RPTOR: variants seen among roughly 807,000 people sequenced by gnomAD.
The protein encoded by RPTOR is regulatory-associated protein of mTOR.
Under a neutral mutation model 169.9 loss-of-function variants are expected in RPTOR, and 21 were observed. The ratio of observed to expected loss-of-function variants is 0.12; its 90% CI spans 0.09 to 0.18. RPTOR has a LOEUF of 0.18. Among genes scored for constraint, RPTOR ranks in the 10% least tolerant of loss-of-function variants. RPTOR has a pLI of 1.00. For synonymous variants in RPTOR, 732 were observed against 753.2 expected (o/e 0.97, Z 0.46); for missense variants, 1,133 against 1,855.9 (o/e 0.61, Z 7.16).
intron 8 of RPTOR, among the ~76,000 whole-genome samples, chr17:80,822,639 G>A (rs1209328255): frequency 6.6e-6 from 1 of 152,212 alleles, no homozygotes; most frequent in Admixed American, 6.5e-5. Flanking sequence ...TGTAAGACTT[G>A]TTTGTATTTT....
intron 1 of RPTOR, among the ~76,000 whole-genome samples, chr17:80,546,499 G>A (rs536818396): frequency 3.2e-4 from 46 of 141,996 alleles, no homozygotes; most frequent in Middle Eastern, 3.6e-3. Context: ...GAAAACAGCC[G>A]AATTTTGTTG....
intron 1 of RPTOR, among the ~76,000 whole-genome samples, chr17:80,597,590 G>A (rs908960234): frequency 2.6e-5 from 4 of 152,038 alleles, no homozygotes; most frequent in African/African-American, 7.2e-5. Context: ...AGTGCAGTGC[G>A]ATCTCGGCTC....
At chr17:80,771,021 T>A (rs1192717978) in intron 6 of RPTOR, among the ~76,000 whole-genome samples, 1 of 152,182 alleles carries the variant, frequency 6.6e-6, no homozygotes, top group East Asian at 1.9e-4. Flanking sequence ...ACCATCGAGG[T>A]GATCGCTGCC....
At chr17:80,941,106 T>G (rs1044430847) in intron 25 of RPTOR, 3 of 154,786 alleles carry the variant, frequency 1.9e-5, no homozygotes, top group Non-Finnish European at 2.9e-5. Context: ...TCAGCTGGCC[T>G]CCACTTGTCC....
intron 4 of RPTOR, among the ~76,000 whole-genome samples, chr17:80,714,970 A>T (rs6565477): frequency 2.2e-4 from 34 of 152,324 alleles, no homozygotes; most frequent in Admixed American, 2.0e-3. Context: ...TGATCCTCCC[A>T]CCTTGGCCTC....
chr17:80,860,533 C>T lies in RPTOR; in HGVS notation c.1509+2633C>T, dbSNP rs779849744. The stretch of plus-strand genomic sequence containing the variant: ...CAGCCCTGACCATAGCCTCCCCACA[C>T]CCCAAGTCCTCACGTACTACTTTGG... On this transcript the variant is annotated intron_variant, in intron 13 of 33. Coordinates refer to ENST00000306801, the MANE Select transcript of RPTOR (RefSeq NM_020761.3). The surrounding 1 kb of genome is among the most constrained non-coding windows in gnomAD (Gnocchi z 5.8). Among the ~76,000 whole-genome samples the T allele has an allele frequency of 6.6e-5, 10 of 152,142 alleles. No individual in the cohort carries two copies. Among genetic ancestry groups the T allele is most frequent in the Non-Finnish European group, 1.2e-4 (8 of 68,026 alleles).
rs189847662 is a variant in RPTOR, at chr17:80,708,143, C to T, written c.507+144C>T. 484 of 788,956 alleles carry T rather than the reference C, an allele frequency of 6.1e-4. 2 individuals are homozygous for T. The African/African-American group carries it at 6.9e-3, about 11-fold the overall frequency. 48.9% of individuals were successfully genotyped at this position (788,956 alleles called of 1,614,324 possible). ...AACAAACCCAAATGCCATAACTGAA[C>T]GGACCAGGTAGTCAGGCACAAGGAG... On this transcript the variant is annotated intron_variant, in intron 4 of 33. Coordinates refer to ENST00000306801, the MANE Select transcript of RPTOR (RefSeq NM_020761.3). This position sits in a 1 kb window ranked among gnomAD's most constrained non-coding sequence, Gnocchi z 4.2.
At chr17:80,787,119 C>T (rs954098772) in intron 6 of RPTOR, among the ~76,000 whole-genome samples, 3 of 152,250 alleles carry the variant, frequency 2.0e-5, no homozygotes, top group African/African-American at 7.2e-5. Flanking sequence ...TCATCCCTTC[C>T]ATGCCCTTTC....
At chr17:80,606,148 A>G (rs112114785) in intron 1 of RPTOR, among the ~76,000 whole-genome samples, 2 of 151,986 alleles carry the variant, frequency 1.3e-5, no homozygotes, top group African/African-American at 4.8e-5. Flanking sequence ...AGTAGCTGGG[A>G]CTACAGGAAC....
In RPTOR at chr17:80,961,612, G is replaced by A. The variant is rs926144381; in HGVS notation, c.3692+132G>A. On this transcript the variant is annotated intron_variant, in intron 31 of 33. Coordinates refer to ENST00000306801, the MANE Select transcript of RPTOR (RefSeq NM_020761.3). ...CGGGCAGTAATTAACTCCTGCCCTG[G>A]AACTGGCCAGAAAGATCAGGCGCAG... 16 of 1,028,138 alleles carry A rather than the reference G, an allele frequency of 1.6e-5. No individual in the cohort carries two copies. The African/African-American group carries it at 2.4e-4, about 15-fold the overall frequency. The allele number at this position is 1,028,138 out of a possible 1,614,324, so 63.7% of individuals were successfully genotyped here.
At chr17:80,906,599 A>C (rs1317908856) in intron 20 of RPTOR, among the ~76,000 whole-genome samples, 1 of 152,242 alleles carries the variant, frequency 6.6e-6, no homozygotes, top group Non-Finnish European at 1.5e-5. Context: ...CAAGACCCGC[A>C]GGGGACGTGT....
In RPTOR at chr17:80,857,872, T is replaced by A; in HGVS notation, c.1481T>A (p.Ile494Asn). ...GAGCTGCGGCCACTTCTCGTTTTCA[T>A]CTGGGCCAAGATCCTCGCAGTGGAC... Reference protein sequence around the residue: ...ARELRPLLVFIWAKILAVDSS... With the variant: ...ARELRPLLVFNWAKILAVDSS... Residue 494 changes from isoleucine to asparagine, a missense_variant, in exon 13 of 34, where the codon ATC (isoleucine) becomes AAC (asparagine). Transcript: ENST00000306801. The A allele has an allele frequency of 1.2e-6, 2 of 1,613,566 alleles. No individual in the cohort carries two copies. The highest frequency in any genetic ancestry group is 1.7e-6 in the Non-Finnish European group (2 of 1,179,940).
intron 13 of RPTOR, among the ~76,000 whole-genome samples, chr17:80,870,281 C>T (rs1284095208): frequency 6.6e-6 from 1 of 152,178 alleles, no homozygotes; most frequent in Non-Finnish European, 1.5e-5. Context: ...AAGAGGCTTC[C>T]CACTGGGAAC....
rs895358706 is a variant in RPTOR at position 80,842,651 on chromosome 17, A to C, written c.1213-3822A>C. ...CGTGTATTTACCCGATGGTTAATAGAGCATTGTTCTATACTTGTACTGGCC... is the reference window on the plus strand; with the variant it reads ...CGTGTATTTACCCGATGGTTAATAGCGCATTGTTCTATACTTGTACTGGCC... On this transcript the variant is annotated intron_variant, in intron 10 of 33. Coordinates refer to ENST00000306801, the MANE Select transcript of RPTOR (RefSeq NM_020761.3). Among the ~76,000 whole-genome samples the C allele has an allele frequency of 4.1e-4, 63 of 152,198 alleles. 1 individual carries two copies. Among genetic ancestry groups the C allele is most frequent in the African/African-American group, 1.5e-3 (62 of 41,440 alleles).
intron 4 of RPTOR, among the ~76,000 whole-genome samples, chr17:80,717,464 C>T (rs1189117614): frequency 6.6e-6 from 1 of 152,186 alleles, no homozygotes. Context: ...TTGTATTTTC[C>T]CCCACTGTGT....
chr17:80,838,842 C>T (rs1214464600), intron 10 of RPTOR, among the ~76,000 whole-genome samples: 2 of 152,294 alleles, frequency 1.3e-5, no homozygotes, highest in South Asian at 2.1e-4. Flanking sequence ...TTGGTCGTCT[C>T]CTCATTTAAG....
At chr17:80,584,844 A>T (rs576887220) in intron 1 of RPTOR, among the ~76,000 whole-genome samples, 42 of 152,358 alleles carry the variant, frequency 2.8e-4, no homozygotes, top group Non-Finnish European at 5.3e-4. Context: ...CTGGTGAGTT[A>T]TGAGGCTTTA....
intron 21 of RPTOR, among the ~76,000 whole-genome samples, chr17:80,920,805 A>C (rs939419194): frequency 6.6e-6 from 1 of 152,220 alleles, no homozygotes; most frequent in African/African-American, 2.4e-5. Context: ...CTGTTTTTCC[A>C]GACATTTTGA....
intron 1 of RPTOR, among the ~76,000 whole-genome samples, chr17:80,599,033 C>G (rs886799019): frequency 2.0e-5 from 3 of 152,106 alleles, no homozygotes; most frequent in Non-Finnish European, 2.9e-5. Context: ...CCCAGCCCCC[C>G]GGGAAGCTGG....
Sources: gnomAD v4.1 joint callset for allele counts (sites outside exome capture counted in the v4.1 genomes callset) on GRCh38, gnomAD v4.1.1 for gene constraint, Gnocchi (gnomAD v3.1) non-coding constraint, MANE v1.5 for transcripts, NCBI Gene and HGNC (gene_info 2026-07-23, HGNC 2026-07-21) for gene names.